The following DCLK1 variants were observed in gnomAD, a reference collection of about 807,000 sequenced individuals.
The protein encoded by DCLK1 is serine/threonine-protein kinase DCLK1.
DCLK1 carries 16 observed loss-of-function variants against 86.2 expected under a neutral mutation model. The ratio of observed to expected loss-of-function variants is 0.19; its 90% CI spans 0.13 to 0.28. The LOEUF (loss-of-function observed/expected upper bound fraction) is 0.28. DCLK1 is among the 10% of genes least tolerant of loss of function. DCLK1 has a pLI of 1.00. For synonymous variants in DCLK1, 369 were observed against 370.5 expected (o/e 1.00, Z 0.05); for missense variants, 590 against 940.2 (o/e 0.63, Z 4.87).
chr13:35,848,113 A>T (rs952349517), intron 6 of DCLK1: 3 of 985,204 alleles, frequency 3.0e-6, no homozygotes, highest in Admixed American at 6.2e-5. Context: ...CTACAGCACG[A>T]TGTCTTCAGA....
chr13:35,817,817 C>T (rs933067873), intron 11 of DCLK1, among the ~76,000 whole-genome samples: 5 of 152,162 alleles, frequency 3.3e-5, no homozygotes, highest in Non-Finnish European at 5.9e-5. Flanking sequence ...TCACACTGAA[C>T]GAACAGCCTT....
At chr13:35,805,422 G>A in intron 15 of DCLK1, 2 of 333,228 alleles carry the variant, frequency 6.0e-6, no homozygotes, top group Non-Finnish European at 1.1e-5. Context: ...TCAGCCTCCT[G>A]AGTAGCTGGG....
intron 4 of DCLK1, among the ~76,000 whole-genome samples, chr13:35,942,695 C>T (rs188424587): frequency 1.3e-5 from 2 of 152,274 alleles, no homozygotes; most frequent in East Asian, 3.9e-4. Context: ...AAAATACAGC[C>T]ACCTATACCA....
At chr13:36,085,452 A>C (rs1884558405) in intron 3 of DCLK1, among the ~76,000 whole-genome samples, 1 of 152,172 alleles carries the variant, frequency 6.6e-6, no homozygotes, top group Admixed American at 6.5e-5. Context: ...GCTTTAGTAG[A>C]GATAAAAATT....
In DCLK1 at chr13:35,830,366, G is replaced by A. The variant is rs150127999; in HGVS notation, c.1230-2059C>T. Reference sequence around the variant, plus strand: ...AGATCATGCCACTGCACTCCAGCCTGGGCGACAGAGAAATTTAAAATGTAA... The same window carrying A: ...AGATCATGCCACTGCACTCCAGCCTAGGCGACAGAGAAATTTAAAATGTAA... On this transcript the variant is annotated intron_variant, in intron 8 of 16. Transcript: ENST00000360631. 7.4e-3 allele frequency among the ~76,000 whole-genome samples: 1,124 copies of A among 152,228 alleles called. 11 individuals are homozygous for A. The highest frequency in any genetic ancestry group is 0.025 in the African/African-American group (1,038 of 41,530).
At chr13:35,957,187 T>C (rs1878032400) in intron 3 of DCLK1, among the ~76,000 whole-genome samples, 1 of 151,914 alleles carries the variant, frequency 6.6e-6, no homozygotes, top group Non-Finnish European at 1.5e-5. Flanking sequence ...TCAGCTAGTG[T>C]AAGGTGCTTT....
At chr13:35,850,327 A>C in intron 6 of DCLK1, 1 of 987,864 alleles carries the variant, frequency 1.0e-6, no homozygotes, top group East Asian at 1.1e-4. Flanking sequence ...AGTACAGAAA[A>C]ATTATATCTC....
chr13:35,963,996 T>C (rs1245324191), intron 3 of DCLK1, among the ~76,000 whole-genome samples: 1 of 152,216 alleles, frequency 6.6e-6, no homozygotes, highest in Non-Finnish European at 1.5e-5. Context: ...AATTTCTTTT[T>C]AGATAGAAAA....
chr13:35,798,089 C>T (rs2086847883), intron 15 of DCLK1, among the ~76,000 whole-genome samples: 3 of 152,184 alleles, frequency 2.0e-5, no homozygotes, highest in Non-Finnish European at 4.4e-5. Flanking sequence ...TCCCATCCAC[C>T]ACTTGGCAGA....
chr13:36,044,281 T>C (rs1243996710), intron 3 of DCLK1, among the ~76,000 whole-genome samples: 1 of 152,200 alleles, frequency 6.6e-6, no homozygotes, highest in Admixed American at 6.5e-5. Context: ...ATAAACCTCT[T>C]TTCCATATAA....
At chr13:35,942,378 G>A (rs981759441) in intron 4 of DCLK1, among the ~76,000 whole-genome samples, 3 of 152,144 alleles carry the variant, frequency 2.0e-5, no homozygotes, top group Non-Finnish European at 4.4e-5. Context: ...GTGTTAGCCA[G>A]GATGGTCTTG....
intron 10 of DCLK1, among the ~76,000 whole-genome samples, chr13:35,825,407 T>C (rs1309787269): frequency 6.6e-6 from 1 of 152,136 alleles, no homozygotes; most frequent in African/African-American, 2.4e-5. Flanking sequence ...CTTTCTAGGG[T>C]ATCTTGGTGA....
chr13:36,114,676 A>T (rs765897152), intron 2 of DCLK1, among the ~76,000 whole-genome samples: 1 of 152,254 alleles, frequency 6.6e-6, no homozygotes, highest in Non-Finnish European at 1.5e-5. Context: ...TACAGTAATC[A>T]TAACACTGAA....
intron 4 of DCLK1, among the ~76,000 whole-genome samples, chr13:35,896,515 G>A (rs1873995395): frequency 1.9e-5 from 1 of 52,584 alleles, no homozygotes. Context: ...CCCAGCCGGG[G>A]CAACAAAAGC....
intron 3 of DCLK1, among the ~76,000 whole-genome samples, chr13:36,029,273 C>T (rs1566652145): frequency 6.6e-6 from 1 of 152,142 alleles, no homozygotes; most frequent in Non-Finnish European, 1.5e-5. Flanking sequence ...CACACTCTCA[C>T]GGCACCATAT....
Position 36,111,883 on chromosome 13 carries a change from A to T in DCLK1, c.709T>A (p.Leu237Met). Reference sequence around the variant, plus strand: ...ATGTCTCTTACCTGTTTCCCATCCAACGTGTACAGGCGTTTCACCACTCCC... The same window carrying T: ...ATGTCTCTTACCTGTTTCCCATCCATCGTGTACAGGCGTTTCACCACTCCC... ...DSGVVKRLYT[L>M]DGKQVMCLQD... Residue 237 changes from leucine (L) to methionine (M), a missense_variant, in exon 3 of 17, where the codon TTG (leucine) becomes ATG (methionine). Physicochemically the swap from Leu to Met is conservative, Grantham distance 15. Around this residue, in one of 6 missense-constraint regions of DCLK1, gnomAD observed 195 missense variants for 365.1 expected, o/e 0.53. Coordinates refer to ENST00000360631, the MANE Select transcript of DCLK1 (RefSeq NM_001330071.2). 1 of 1,612,196 alleles carries T rather than the reference A, an allele frequency of 6.2e-7. No homozygotes were observed. Among genetic ancestry groups the T allele is most frequent in the Non-Finnish European group, 8.5e-7 (1 of 1,178,574 alleles).
chr13:35,806,439 T>G (rs940280106), intron 14 of DCLK1, among the ~76,000 whole-genome samples: 4 of 152,164 alleles, frequency 2.6e-5, no homozygotes, highest in Admixed American at 2.0e-4. Context: ...AACTTCCTCA[T>G]GAGCTCAAAT....
At chr13:36,007,820 G>T (rs923697858) in intron 3 of DCLK1, among the ~76,000 whole-genome samples, 4 of 152,014 alleles carry the variant, frequency 2.6e-5, no homozygotes, top group African/African-American at 7.2e-5. Flanking sequence ...ATATCCATCT[G>T]ATCACTTTTG....
At position 35,941,560 on chromosome 13, in the gene DCLK1, C is replaced by T. The variant is rs148327532; in HGVS notation, c.823+5798G>A. ...CTGGAGATCGGGCACTACACATGCA[C>T]ACACGTGCACAGGCACACATACACG... On this transcript the variant is annotated intron_variant, in intron 4 of 16. Coordinates refer to ENST00000360631, the MANE Select transcript of DCLK1 (RefSeq NM_001330071.2). 2.6e-3 allele frequency among the ~76,000 whole-genome samples: 400 copies of T among 152,208 alleles called. 2 individuals are homozygous for T. The highest frequency in any genetic ancestry group is 9.0e-3 in the African/African-American group (375 of 41,540).
Sources: allele counts gnomAD v4.1 joint callset (sites outside exome capture counted in the v4.1 genomes callset), GRCh38; gene constraint gnomAD v4.1.1; regional missense constraint gnomAD v4.1.1; transcripts MANE v1.5; gene names NCBI Gene and HGNC (gene_info 2026-07-23, HGNC 2026-07-21).